The following SEC61G variants were observed in gnomAD, a reference collection of about 807,000 sequenced individuals.
SEC61G encodes the protein SEC61 translocon subunit gamma, also known as protein transport protein Sec61 subunit gamma.
SEC61G carries 4 observed loss-of-function variants against 7.5 expected under a neutral mutation model. The observed-to-expected ratio is 0.54, with a 90% CI of 0.26 to 1.22. SEC61G has a LOEUF of 1.22. Among genes scored for constraint, SEC61G ranks in the 50% most tolerant of loss-of-function variants. The pLI, the probability that SEC61G is intolerant of heterozygous loss-of-function variation, is 0.12. For synonymous variants in SEC61G, 24 were observed against 24.4 expected (o/e 0.98, Z 0.05); for missense variants, 53 against 84.6 (o/e 0.63, Z 1.46).
chr7:54,754,002 G>A (rs1001700578), intron 3 of SEC61G, among the ~76,000 whole-genome samples: 1 of 152,086 alleles, frequency 6.6e-6, no homozygotes, highest in Non-Finnish European at 1.5e-5. Context: ...GATACAAGGG[G>A]GCTCTGGACC....
At chr7:54,756,974 C>CTATATACTATAT (rs1424444260) in intron 2 of SEC61G, among the ~76,000 whole-genome samples, 5 of 96,852 alleles carry the variant, frequency 5.2e-5, no homozygotes, top group African/African-American at 1.4e-4. Flanking sequence ...ACTATATATA[C>CTATATACTATAT]TATATACTAT....
At chr7:54,753,168 C>A (rs376947126) in intron 3 of SEC61G, among the ~76,000 whole-genome samples, 10 of 152,066 alleles carry the variant, frequency 6.6e-5, no homozygotes, top group African/African-American at 2.4e-4. Context: ...TGGGGTGCAA[C>A]TGTAGTCCCA....
rs753482642 is a variant in SEC61G at position 54,752,419 on chromosome 7, C to T, written c.199G>A (p.Gly67Ser). 7 of 1,530,564 alleles carry T rather than the reference C, an allele frequency of 4.6e-6. No individual in the cohort carries two copies. Among genetic ancestry groups the T allele is most frequent in the Non-Finnish European group, 5.3e-6 (6 of 1,123,042 alleles). The allele number at this position is 1,530,564 out of a possible 1,614,324, so 94.8% of individuals were successfully genotyped here. A position where few individuals can be genotyped will look rare whatever the true frequency, so the allele number is the denominator to read the frequency against. Residue 67 changes from glycine (G) to serine (S), a missense_variant and splice_region_variant, in exon 4 of 4, where the codon GGT (glycine) becomes AGT (serine). Physicochemically the swap from Gly to Ser is moderately conservative, Grantham distance 56 (BLOSUM62 0). Transcript: ENST00000352861. ...TCTCTTCCAAAATGTATTCAGCCAC[C>T]ACTGTAAAAGAAAGAAAAATTATTA... Reference protein sequence around the residue: ...IHIPINNIIVGG With the variant: ...IHIPINNIIVSG
At chr7:54,755,284 C>A (rs987721356) in intron 3 of SEC61G, 1 of 152,200 alleles carries the variant, frequency 6.6e-6, no homozygotes, top group Non-Finnish European at 1.5e-5. Flanking sequence ...AAGTCATAAT[C>A]CAAGTAAGAA....
chr7:54,755,834 C>G lies in SEC61G; in HGVS notation c.142G>C (p.Gly48Arg). The change falls in exon 3 of 4, where the codon GGA becomes CGA. Residue 48 changes from glycine to arginine, a missense_variant. Coordinates refer to ENST00000352861, the MANE Select transcript of SEC61G (RefSeq NM_014302.4). ...MATAIGFAIMGFIGFFVKLIH... is the reference protein window; with the variant it reads ...MATAIGFAIMRFIGFFVKLIH... ...AATTTCACAAAGAAGCCAATGAATC[C>G]CATTATAGCAAATCCTATTGCTGTT... 1 of 1,590,402 alleles carries G rather than the reference C, an allele frequency of 6.3e-7. No individual in the cohort carries two copies.
Position 54,755,829 on chromosome 7 carries a change from G to A in SEC61G, c.147C>T (p.Phe49=). Residue 49 remains phenylalanine (F), a synonymous_variant, in exon 3 of 4, where the codon TTC becomes TTT. Coordinates refer to ENST00000352861, the MANE Select transcript of SEC61G (RefSeq NM_014302.4). ...ATAIGFAIMG[F]IGFFVKLIHI... The stretch of plus-strand genomic sequence containing the variant: ...GGATCAATTTCACAAAGAAGCCAAT[G>A]AATCCCATTATAGCAAATCCTATTG... 6.3e-7 allele frequency: 1 copy of A among 1,592,900 alleles called. No individual in the cohort carries two copies. Among genetic ancestry groups the A allele is most frequent in the Non-Finnish European group, 8.6e-7 (1 of 1,168,108 alleles).
chr7:54,759,186 G>A lies in SEC61G; in HGVS notation c.-35C>T, dbSNP rs985152135. The A allele has an allele frequency of 1.2e-5, 6 of 518,908 alleles. No individual in the cohort carries two copies. The highest frequency in any genetic ancestry group is 2.3e-5 in the Non-Finnish European group (6 of 259,868). 32.1% of individuals were successfully genotyped at this position (518,908 alleles called of 1,614,324 possible). On this transcript the variant is annotated 5_prime_UTR_variant, in exon 1 of 4. Transcript: ENST00000352861. ...CCCAACCGACACCTAAAATGCCAGG[G>A]ACACGTAGCACTGGAGCTTGCTGAT... is the stretch of plus-strand genomic sequence containing the variant.
rs1791460175 is a variant in SEC61G, at chr7:54,753,979, A to G, written c.198-1559T>C. On this transcript the variant is annotated intron_variant, in intron 3 of 3. Transcript: ENST00000352861. ...CACTTAATTCAACAAACACTTATTC[A>G]GTGCTTTTAACGGATACAAGGGGGC... is the stretch of plus-strand genomic sequence containing the variant. Among the ~76,000 whole-genome samples, 3 of 152,238 alleles carry G rather than the reference A, an allele frequency of 2.0e-5. No homozygotes were observed. In the South Asian group the frequency reaches 6.2e-4, roughly 31 times the overall value.
At chr7:54,753,088 G>A (rs1330183344) in intron 3 of SEC61G, among the ~76,000 whole-genome samples, 6 of 151,866 alleles carry the variant, frequency 4.0e-5, no homozygotes, top group Non-Finnish European at 7.4e-5. Flanking sequence ...TCAGGAGTTC[G>A]AGACCACCCT....
chr7:54,753,728 A>AT (rs889909491), intron 3 of SEC61G, among the ~76,000 whole-genome samples: 21 of 152,118 alleles, frequency 1.4e-4, no homozygotes, highest in Admixed American at 9.2e-4. Context: ...CATTGAAACC[A>AT]TTTTTTTTAA....
chr7:54,757,967 A>C (rs956730946), intron 1 of SEC61G, among the ~76,000 whole-genome samples: 1 of 152,138 alleles, frequency 6.6e-6, no homozygotes, highest in South Asian at 2.1e-4. Context: ...CAGTCCCCTC[A>C]CCGCTCCTAA....
At chr7:54,758,402 C>A (rs1289580744) in intron 1 of SEC61G, among the ~76,000 whole-genome samples, 1 of 152,116 alleles carries the variant, frequency 6.6e-6, no homozygotes, top group Non-Finnish European at 1.5e-5. Context: ...GAACAGTGGC[C>A]AGGTGGTAGT....
intron 1 of SEC61G, among the ~76,000 whole-genome samples, chr7:54,758,501 A>C (rs1042851571): frequency 1.3e-5 from 2 of 152,306 alleles, no homozygotes; most frequent in Admixed American, 6.5e-5. Flanking sequence ...AAATAATGTC[A>C]ATGAAACACC....
At chr7:54,755,665 C>A in intron 3 of SEC61G, 114 bp downstream of exon 3, 1 of 507,730 alleles carries the variant, frequency 2.0e-6, no homozygotes, top group South Asian at 3.7e-5. Flanking sequence ...CAGTAGACTC[C>A]AACAGCACTA....
At position 54,752,311 on chromosome 7, in the gene SEC61G, AC is replaced by A; in HGVS notation, c.*99del. 1 of 718,502 alleles carries A rather than the reference AC, an allele frequency of 1.4e-6. No individual in the cohort carries two copies. The highest frequency in any genetic ancestry group is 2.2e-6 in the Non-Finnish European group (1 of 444,548). 44.5% of individuals were successfully genotyped at this position (718,502 alleles called of 1,614,324 possible). A position where few individuals can be genotyped will look rare whatever the true frequency, so the allele number is the denominator to read the frequency against. ...AAACATCTTGAAAGGAAAAAAAAAA[AC>A]CCACAAAACATACAGGCAAATTTGT... On this transcript the variant is annotated 3_prime_UTR_variant, in exon 4 of 4. Coordinates refer to ENST00000352861, the MANE Select transcript of SEC61G (RefSeq NM_014302.4).
intron 2 of SEC61G, among the ~76,000 whole-genome samples, chr7:54,756,211 T>C (rs1266432158): frequency 1.3e-5 from 2 of 152,204 alleles, no homozygotes; most frequent in African/African-American, 2.4e-5. Flanking sequence ...GAAAGAAATA[T>C]ACATTATTTT....
At chr7:54,758,508 C>CA (rs1791566010) in intron 1 of SEC61G, among the ~76,000 whole-genome samples, 1 of 152,184 alleles carries the variant, frequency 6.6e-6, no homozygotes, top group African/African-American at 2.4e-5. Flanking sequence ...GTCAATGAAA[C>CA]ACCAGGAATT....
rs772852074 is a variant in SEC61G at position 54,757,568 on chromosome 7, A to C, written c.21T>G (p.Phe7Leu). The C allele has an allele frequency of 6.2e-7, 1 of 1,614,140 alleles. No individual in the cohort carries two copies. The highest frequency in any genetic ancestry group is 1.7e-5 in the Admixed American group (1 of 60,026). Residue 7 changes from phenylalanine to leucine, a missense_variant, in exon 2 of 4, where the codon TTT becomes TTG. Physicochemically the swap from Phe to Leu is conservative, Grantham distance 22. Coordinates refer to ENST00000352861, the MANE Select transcript of SEC61G (RefSeq NM_014302.4). MDQVMQFVEPSRQFVKD... is the reference protein window; with the variant it reads MDQVMQLVEPSRQFVKD... ...TTACAAACTGCCGACTTGGCTCAAC[A>C]AACTGCATTACCTGATCCATGACTG...
chr7:54,758,057 G>A (rs1249204560), intron 1 of SEC61G, among the ~76,000 whole-genome samples: 1 of 152,178 alleles, frequency 6.6e-6, no homozygotes, highest in Non-Finnish European at 1.5e-5. Context: ...CTTGTACAGT[G>A]AATGCCAACT....
Sources: allele counts gnomAD v4.1 joint callset (sites outside exome capture counted in the v4.1 genomes callset), GRCh38; gene constraint gnomAD v4.1.1; transcripts MANE v1.5; gene names NCBI Gene and HGNC (gene_info 2026-07-23, HGNC 2026-07-21).